ANKLE2: variants seen among roughly 807,000 people sequenced by gnomAD.
ANKLE2 encodes the protein ankyrin repeat and LEM domain-containing protein 2.
ANKLE2 carries 55 observed loss-of-function variants against 84.2 expected under a neutral mutation model. The observed-to-expected ratio is 0.65, with a 90% CI of 0.53 to 0.82. The LOEUF is 0.82. ANKLE2 is among the 40% of genes least tolerant of loss of function. The pLI, the probability that ANKLE2 is intolerant of heterozygous loss-of-function variation, is 0.00. For missense variants in ANKLE2, 1,238 were observed against 1,201.9 expected, an observed-to-expected ratio of 1.03 and a Z score of -0.44; for synonymous variants, 551 against 486.1, an observed-to-expected ratio of 1.13 and a Z score of -1.76.
At chr12:132,739,683 T>C (rs923889363) in intron 7 of ANKLE2, among the ~76,000 whole-genome samples, 8 of 152,364 alleles carry the variant, frequency 5.3e-5, no homozygotes, top group South Asian at 2.1e-4. Flanking sequence ...TTTAGAGTCC[T>C]TCCTCATCTT....
In ANKLE2 at chr12:132,729,728, C is replaced by T; in HGVS notation, c.2434G>A (p.Asp812Asn). The T allele has an allele frequency of 6.2e-7, 1 of 1,610,444 alleles. No individual in the cohort carries two copies. Among genetic ancestry groups the T allele is most frequent in the African/African-American group, 1.3e-5 (1 of 74,234 alleles). Reference protein sequence around the residue: ...SLSPSSPRHEDQLEVTREPAR... With the variant: ...SLSPSSPRHENQLEVTREPAR... The stretch of plus-strand genomic sequence containing the variant: ...GGTTCCCTGGTGACCTCGAGCTGAT[C>T]CTCGTGCCTGGGGCTGCTGGGACTC... The change falls in exon 11 of 13, where the codon GAT becomes AAT. Residue 812 changes from aspartate (D) to asparagine (N), a missense_variant. Transcript: ENST00000357997.
intron 1 of ANKLE2, chr12:132,756,459 G>C (rs1234208244): frequency 6.6e-6 from 1 of 152,090 alleles, no homozygotes; most frequent in African/African-American, 2.4e-5. Context: ...TTGAGCCTGG[G>C]AGGTGGATGC....
intron 2 of ANKLE2, 172 bp from the exon 3 acceptor site, chr12:132,751,021 TA>T: frequency 1.6e-6 from 1 of 610,498 alleles, no homozygotes; most frequent in Non-Finnish European, 2.9e-6. Flanking sequence ...ATAGAACAAT[TA>T]ACAAGCTCGA....
intron 11 of ANKLE2, among the ~76,000 whole-genome samples, chr12:132,728,426 C>T (rs1458493011): frequency 6.6e-6 from 1 of 152,174 alleles, no homozygotes; most frequent in Non-Finnish European, 1.5e-5. Flanking sequence ...GATAGGATTT[C>T]ACCATCTTGG....
chr12:132,743,053 A>C lies in ANKLE2; in HGVS notation c.1353+101T>G. 2.6e-6 allele frequency: 3 copies of C among 1,145,592 alleles called. No homozygotes were observed. The highest frequency in any genetic ancestry group is 2.7e-5 in the East Asian group (1 of 36,932). The allele number at this position is 1,145,592 out of a possible 1,614,324, so 71.0% of individuals were successfully genotyped here. Reference sequence around the variant, plus strand: ...CCCATAAAGCAAACACAACTCATACAGAGCTCCTTGTGGCTTCCCTGTGCC... The same window carrying C: ...CCCATAAAGCAAACACAACTCATACCGAGCTCCTTGTGGCTTCCCTGTGCC... On this transcript the variant is annotated intron_variant, in intron 6 of 12. Coordinates refer to ENST00000357997, the MANE Select transcript of ANKLE2 (RefSeq NM_015114.3). This position sits in a 1 kb window ranked among gnomAD's most constrained non-coding sequence, Gnocchi z 4.1.
chr12:132,740,834 C>T (rs1214944386), intron 7 of ANKLE2, among the ~76,000 whole-genome samples: 1 of 151,986 alleles, frequency 6.6e-6, no homozygotes, highest in East Asian at 1.9e-4. Context: ...CTCCCAGAGG[C>T]GAGTGGGGAG....
chr12:132,730,571 CCAGCACT>C (rs1324550703), intron 10 of ANKLE2: 1 of 379,460 alleles, frequency 2.6e-6, no homozygotes, highest in Non-Finnish European at 4.9e-6. Context: ...GCCTGCAATC[CCAGCACT>C]CTGGGAGGCC....
At position 132,730,153 on chromosome 12, in the gene ANKLE2, C is replaced by T. The variant is rs747246576; in HGVS notation, c.2009G>A (p.Gly670Glu). Residue 670 changes from glycine to glutamate, a missense_variant, in exon 11 of 13, where the codon GGA becomes GAA. Coordinates refer to ENST00000357997, the MANE Select transcript of ANKLE2 (RefSeq NM_015114.3). ...GGGGAAGGCGCTGCACCTCGTATGTCCAAAAGCACCGACTGTGGGCGGGCT... is the reference window on the plus strand; with the variant it reads ...GGGGAAGGCGCTGCACCTCGTATGTTCAAAAGCACCGACTGTGGGCGGGCT... ...NNSPPTVGAFGHTRCSAFPLE... is the reference protein window; with the variant it reads ...NNSPPTVGAFEHTRCSAFPLE... The T allele has an allele frequency of 1.2e-6, 2 of 1,611,620 alleles. No homozygotes were observed. Among genetic ancestry groups the T allele is most frequent in the South Asian group, 2.2e-5 (2 of 91,060 alleles).
intron 1 of ANKLE2, chr12:132,759,525 A>G (rs2044572368): frequency 1.3e-5 from 1 of 74,942 alleles, no homozygotes; most frequent in Non-Finnish European, 2.6e-5. Flanking sequence ...ATATATGTAT[A>G]CTATATGTGC....
chr12:132,732,843 C>T (rs977513835), intron 10 of ANKLE2, among the ~76,000 whole-genome samples: 1 of 141,558 alleles, frequency 7.1e-6, no homozygotes, highest in Non-Finnish European at 1.5e-5. Flanking sequence ...CCTCTGCGTG[C>T]TGGTGTCTGA....
intron 10 of ANKLE2, 58 bp from the exon 11 acceptor site, chr12:132,730,328 C>A: frequency 7.1e-7 from 1 of 1,403,876 alleles, no homozygotes. Context: ...CACGGAGCTG[C>A]TCCGCCCCAT....
At chr12:132,738,361 T>C (rs2044055209) in intron 7 of ANKLE2, 3 of 152,154 alleles carry the variant, frequency 2.0e-5, no homozygotes, top group Admixed American at 2.0e-4. Flanking sequence ...CCATATAGGA[T>C]AGTGTCGTGA....
intron 10 of ANKLE2, 122 bp from the exon 11 acceptor site, chr12:132,730,392 C>T (rs879060902): frequency 7.1e-6 from 1 of 140,394 alleles, no homozygotes. Flanking sequence ...CCAAAACCTC[C>T]CCACTCCATC....
At chr12:132,741,517 T>C in intron 6 of ANKLE2, 32 bp from the exon 7 acceptor site, 2 of 1,592,662 alleles carry the variant, frequency 1.3e-6, no homozygotes, top group East Asian at 2.2e-5. Context: ...CTAAATCTTA[T>C]TTGATCGCAA....
chr12:132,734,034 G>A (rs1015797717), intron 10 of ANKLE2: 22 of 464,888 alleles, frequency 4.7e-5, no homozygotes, highest in African/African-American at 1.4e-4. Flanking sequence ...TCAGGAGTTC[G>A]AGACCAGCCT....
Position 132,761,644 on chromosome 12 carries a change from G to A in ANKLE2, c.155C>T (p.Pro52Leu), listed in dbSNP as rs1220445499. 1.6e-6 allele frequency: 2 copies of A among 1,267,520 alleles called. No individual in the cohort carries two copies. The highest frequency in any genetic ancestry group is 2.0e-6 in the Non-Finnish European group (2 of 1,008,072). 78.5% of individuals were successfully genotyped at this position (1,267,520 alleles called of 1,614,324 possible). A position where few individuals can be genotyped will look rare whatever the true frequency, so the allele number is the denominator to read the frequency against. ...LGRSGTPVPP[P>L]SAAAAPASGE... is the part of the protein sequence containing the mutation. ...TGAGGCGGGGGCGGCGGCCGCGCTT[G>A]GCGGAGGAACTGGGGTCCCGCTGCG... Residue 52 changes from proline to leucine, a missense_variant, in exon 1 of 13, where the codon CCA becomes CTA. Around this residue, in one of 3 missense-constraint regions of ANKLE2, gnomAD observed 422 missense variants for 394.5 expected, o/e 1.07. Coordinates refer to ENST00000357997, the MANE Select transcript of ANKLE2 (RefSeq NM_015114.3).
intron 12 of ANKLE2, 83 bp downstream of exon 12, chr12:132,727,949 A>G: frequency 6.6e-7 from 1 of 1,518,830 alleles, no homozygotes; most frequent in Non-Finnish European, 8.8e-7. Context: ...AGCCACTGAT[A>G]GGTTCGCATG....
chr12:132,743,279 GA>G lies in ANKLE2; in HGVS notation c.1231-4del. 1.4e-5 allele frequency: 22 copies of G among 1,595,486 alleles called. No homozygotes were observed. Among genetic ancestry groups the G allele is most frequent in the South Asian group, 3.4e-5 (3 of 87,312 alleles). On this transcript the variant is annotated splice_region_variant and splice_polypyrimidine_tract_variant and intron_variant, in intron 5 of 12. Transcript: ENST00000357997. This position sits in a 1 kb window ranked among gnomAD's most constrained non-coding sequence, Gnocchi z 4.1. ...AAATGCAACGGTGTGTCATAGCCCTGAAAAAAGGTGCAGAGGAAGTACAATT... is the reference window on the plus strand; with the variant it reads ...AAATGCAACGGTGTGTCATAGCCCTGAAAAAGGTGCAGAGGAAGTACAATT...
intron 11 of ANKLE2, among the ~76,000 whole-genome samples, chr12:132,729,275 T>C (rs1239642588): frequency 1.5e-5 from 2 of 137,052 alleles, no homozygotes; most frequent in Non-Finnish European, 3.1e-5. Context: ...TGGTTGAACC[T>C]GGGAGGTGGA....
Sources: allele counts gnomAD v4.1 joint callset (sites outside exome capture counted in the v4.1 genomes callset), GRCh38; gene constraint gnomAD v4.1.1; regional missense constraint gnomAD v4.1.1; non-coding constraint Gnocchi (gnomAD v3.1); transcripts MANE v1.5; gene names NCBI Gene and HGNC (gene_info 2026-07-23, HGNC 2026-07-21).